KLF12: variants seen among roughly 807,000 people sequenced by gnomAD.
The protein encoded by KLF12 is KLF transcription factor 12.
In KLF12, 9 loss-of-function variants were observed where a neutral mutation model predicts 37.8. That is an observed-to-expected ratio of 0.24 (90% CI 0.14 to 0.42). KLF12 has a LOEUF of 0.42. Among genes scored for constraint, KLF12 ranks in the 10% least tolerant of loss-of-function variants. KLF12 has a pLI of 1.00. For missense variants in KLF12, 411 were observed against 516.0 expected (o/e 0.80, Z 1.97); for synonymous variants, 208 against 202.1 (o/e 1.03, Z -0.25).
At chr13:74,110,340 T>TA (rs1876902476) in intron 1 of KLF12, among the ~76,000 whole-genome samples, 1 of 152,202 alleles carries the variant, frequency 6.6e-6, no homozygotes. Context: ...AGATCATTCT[T>TA]AGAACCTCTG....
chr13:74,015,414 T>C (rs1244949350), intron 1 of KLF12, among the ~76,000 whole-genome samples: 1 of 152,128 alleles, frequency 6.6e-6, no homozygotes, highest in East Asian at 1.9e-4. Context: ...TTAAACGAAA[T>C]AATGCGAGTG....
the KLF12 span, among the ~76,000 whole-genome samples, chr13:74,162,489 G>T: frequency 6.6e-6 from 1 of 152,158 alleles, no homozygotes; most frequent in Non-Finnish European, 1.5e-5. Context: ...CTTCCTCCAG[G>T]AGTAAATCCC....
chr13:73,789,821 C>T (rs1881567584), intron 5 of KLF12, among the ~76,000 whole-genome samples: 1 of 152,054 alleles, frequency 6.6e-6, no homozygotes, highest in Non-Finnish European at 1.5e-5. Flanking sequence ...GGACTACAGG[C>T]GTCCGCCACT....
chr13:73,901,927 CT>C lies in KLF12; in HGVS notation c.123+42053del, dbSNP rs1324304715. 5.9e-5 allele frequency among the ~76,000 whole-genome samples: 9 copies of C among 152,060 alleles called. No individual in the cohort carries two copies. The East Asian group carries it at 1.7e-3, about 29-fold the overall frequency. On this transcript the variant is annotated intron_variant, in intron 3 of 7. Coordinates refer to ENST00000377669, the MANE Select transcript of KLF12 (RefSeq NM_007249.5). ...GTTGTTTTTAAAAGAATCAGATGAA[CT>C]TCCCTGAAGCATACAAATGGCTTAA...
intron 1 of KLF12, among the ~76,000 whole-genome samples, chr13:74,097,190 T>C (rs1165358535): frequency 6.6e-6 from 1 of 152,192 alleles, no homozygotes; most frequent in Non-Finnish European, 1.5e-5. Context: ...AACAGGTAGT[T>C]TCTCAAGGAC....
At chr13:74,172,583 T>G in the KLF12 span, among the ~76,000 whole-genome samples, 1 of 152,152 alleles carries the variant, frequency 6.6e-6, no homozygotes, top group Non-Finnish European at 1.5e-5. Flanking sequence ...ATCTTATGCT[T>G]TCACAATAAG....
intron 2 of KLF12, among the ~76,000 whole-genome samples, chr13:73,988,779 G>A (rs1891891490): frequency 6.6e-6 from 1 of 152,200 alleles, no homozygotes. Context: ...TTTTCCTAAA[G>A]CTAAACTGAC....
At chr13:73,803,782 A>T (rs574282289) in intron 5 of KLF12, among the ~76,000 whole-genome samples, 12,358 of 118,352 alleles carry the variant, frequency 0.1, 1,055 homozygotes, top group African/African-American at 0.27. Flanking sequence ...TCACACACAC[A>T]CACACACACA....
intron 2 of KLF12, among the ~76,000 whole-genome samples, chr13:73,965,931 G>A (rs1891159962): frequency 6.6e-6 from 1 of 152,190 alleles, no homozygotes; most frequent in Non-Finnish European, 1.5e-5. Context: ...CTAGTAGGCG[G>A]GGCTGTAAAC....
At chr13:73,741,214 A>G (rs1877951017) in intron 6 of KLF12, among the ~76,000 whole-genome samples, 1 of 152,112 alleles carries the variant, frequency 6.6e-6, no homozygotes, top group Non-Finnish European at 1.5e-5. Context: ...CCAAAACCCA[A>G]TTAGATGAAA....
At chr13:73,762,625 G>A (rs774398030) in intron 6 of KLF12, among the ~76,000 whole-genome samples, 4 of 152,086 alleles carry the variant, frequency 2.6e-5, no homozygotes, top group Admixed American at 6.6e-5. Flanking sequence ...GTGTTTGCGG[G>A]TTGAACCCAA....
chr13:73,721,446 T>C (rs1172591381), intron 6 of KLF12, among the ~76,000 whole-genome samples: 1 of 152,356 alleles, frequency 6.6e-6, no homozygotes, highest in African/African-American at 2.4e-5. Context: ...CATATACTTT[T>C]CTCTGGAGAA....
In KLF12 at chr13:73,962,503, G is replaced by A. The variant is rs571135601; in HGVS notation, c.34-18433C>T. Among the ~76,000 whole-genome samples, 12 of 152,306 alleles carry A rather than the reference G, an allele frequency of 7.9e-5. No individual in the cohort carries two copies. In the South Asian group the frequency reaches 8.3e-4, roughly 11 times the overall value. On this transcript the variant is annotated intron_variant, in intron 2 of 7. Coordinates refer to ENST00000377669, the MANE Select transcript of KLF12 (RefSeq NM_007249.5). ...CTTCGAATCACAATGATGTGTCAAC[G>A]TAGGTTCATCCATTGTAACAAATGT...
chr13:74,069,285 G>A (rs11840865), intron 1 of KLF12, among the ~76,000 whole-genome samples: 1 of 152,180 alleles, frequency 6.6e-6, no homozygotes, highest in South Asian at 2.1e-4. Flanking sequence ...CCACAGGGCA[G>A]GACTTGACTA....
At chr13:73,707,574 A>C (rs1439946505) in intron 7 of KLF12, among the ~76,000 whole-genome samples, 2 of 152,190 alleles carry the variant, frequency 1.3e-5, no homozygotes, top group East Asian at 3.9e-4. Flanking sequence ...ATCACTAAGC[A>C]CTATGCTTTA....
the KLF12 span, among the ~76,000 whole-genome samples, chr13:74,255,984 T>C: frequency 6.6e-6 from 1 of 151,846 alleles, no homozygotes; most frequent in Admixed American, 6.6e-5. Context: ...TGAAACCCCG[T>C]CTCTGCTAAA....
intron 2 of KLF12, among the ~76,000 whole-genome samples, chr13:73,984,908 G>A (rs1891784174): frequency 6.6e-6 from 1 of 152,160 alleles, no homozygotes; most frequent in Admixed American, 6.5e-5. Context: ...TCAAGGGGTG[G>A]GGGATATGTC....
chr13:74,223,403 G>C, the KLF12 span, among the ~76,000 whole-genome samples: 1 of 152,140 alleles, frequency 6.6e-6, no homozygotes, highest in Admixed American at 6.5e-5. Context: ...TACAGTTTAT[G>C]TGTCCCAGCA....
intron 4 of KLF12, among the ~76,000 whole-genome samples, chr13:73,841,896 C>A (rs1171035715): frequency 6.6e-6 from 1 of 152,130 alleles, no homozygotes; most frequent in East Asian, 1.9e-4. Context: ...CCTCTCATAG[C>A]TCAATTCTAA....
Sources: gnomAD v4.1 joint callset for allele counts (sites outside exome capture counted in the v4.1 genomes callset) on GRCh38, gnomAD v4.1.1 for gene constraint, MANE v1.5 for transcripts, NCBI Gene and HGNC (gene_info 2026-07-23, HGNC 2026-07-21) for gene names.